The following DNAH14 variants were observed in gnomAD, a reference collection of about 807,000 sequenced individuals.
DNAH14 encodes the protein axonemal beta dynein heavy chain 14.
DNAH14 carries 478 observed loss-of-function variants against 520.9 expected under a neutral mutation model. That is an observed-to-expected ratio of 0.92 (90% CI 0.85 to 0.99). DNAH14 has a LOEUF of 0.99. Among genes scored for constraint, DNAH14 ranks in the 50% least tolerant of loss-of-function variants. The pLI, the probability that DNAH14 is intolerant of heterozygous loss-of-function variation, is 0.00. For synonymous variants in DNAH14, 1,581 were observed against 1,757.2 expected (o/e 0.90, Z 2.51); for missense variants, 4,831 against 5,234.5 (o/e 0.92, Z 2.38).
At chr1:224,971,119 T>A (rs1558555390) in intron 7 of DNAH14, among the ~76,000 whole-genome samples, 1 of 152,214 alleles carries the variant, frequency 6.6e-6, no homozygotes, top group Non-Finnish European at 1.5e-5. Flanking sequence ...TAAGGTACAT[T>A]ATGTTACATT....
intron 15 of DNAH14, among the ~76,000 whole-genome samples, chr1:225,048,477 A>C (rs2068167862): frequency 6.6e-6 from 1 of 152,178 alleles, no homozygotes. Flanking sequence ...CTCCAGCCTG[A>C]GTGACAGTGC....
Position 225,265,288 on chromosome 1 carries a change from A to T in DNAH14, c.7329A>T (p.Thr2443=). ...CAATAAATTTTAGCACCAATGTAAC[A>T]GCTGCCAAAACCAAGGAGATGATTC... ...VSTINFSTNV[T]AAKTKEMILK... The change falls in exon 48 of 86, where the codon ACA becomes ACT. Residue 2443 remains threonine, a synonymous_variant. Coordinates refer to ENST00000682510, the MANE Select transcript of DNAH14 (RefSeq NM_001367479.1). The T allele has an allele frequency of 6.5e-7, 1 of 1,545,100 alleles. No individual in the cohort carries two copies. Among genetic ancestry groups the T allele is most frequent in the Non-Finnish European group, 8.7e-7 (1 of 1,145,166 alleles).
chr1:225,089,380 G>A (rs912138741), intron 21 of DNAH14, among the ~76,000 whole-genome samples: 3 of 142,160 alleles, frequency 2.1e-5, no homozygotes, highest in African/African-American at 7.9e-5. Context: ...GGAGGCAGAG[G>A]TTGCAGTGAG....
chr1:224,997,575 G>T (rs889895170), intron 8 of DNAH14, among the ~76,000 whole-genome samples: 1 of 151,974 alleles, frequency 6.6e-6, no homozygotes, highest in Non-Finnish European at 1.5e-5. Context: ...CTTTCTTTGG[G>T]AGGTAATAAA....
chr1:225,276,999 AAGGGAGGG>A (rs1230311457), intron 53 of DNAH14, among the ~76,000 whole-genome samples: 20 of 41,728 alleles, frequency 4.8e-4, no homozygotes, highest in African/African-American at 9.7e-4. Context: ...GGGAGGAAGG[AAGGGAGGG>A]AGGGAGGGAG....
In DNAH14 at chr1:225,152,654, G is replaced by A. The variant is rs1264410988; in HGVS notation, c.5010-43G>A. ...TATGTGATTCCTTATTTGAAAAATT[G>A]AGAAGTGGTGTTTTTATTGTTTGTT... On this transcript the variant is annotated intron_variant, in intron 32 of 85. Transcript: ENST00000682510. The A allele has an allele frequency of 8.8e-6, 13 of 1,473,408 alleles. No homozygotes were observed. In the South Asian group the frequency reaches 1.8e-4, roughly 20 times the overall value. 91.3% of individuals were successfully genotyped at this position (1,473,408 alleles called of 1,614,324 possible). A position where few individuals can be genotyped will look rare whatever the true frequency, so the allele number is the denominator to read the frequency against.
At chr1:225,326,472 G>A (rs1240823434) in intron 64 of DNAH14, among the ~76,000 whole-genome samples, 1 of 137,546 alleles carries the variant, frequency 7.3e-6, no homozygotes, top group Non-Finnish European at 1.5e-5. Context: ...ATGGGGCCAG[G>A]TTAGGCAATG....
At position 225,042,991 on chromosome 1, in the gene DNAH14, A is replaced by G; in HGVS notation, c.1645A>G (p.Met549Val). 6.4e-7 allele frequency: 1 copy of G among 1,551,988 alleles called. No individual in the cohort carries two copies. Among genetic ancestry groups the G allele is most frequent in the South Asian group, 1.2e-5 (1 of 84,062 alleles). ...TGACCAGTGCCCTGAAGAGTGTGTGATGTTTGAAGATGAAATGTCAGAAAA... is the reference window on the plus strand; with the variant it reads ...TGACCAGTGCCCTGAAGAGTGTGTGGTGTTTGAAGATGAAATGTCAGAAAA... ...ESDQCPEECVMFEDEMSENKD... is the reference protein window; with the variant it reads ...ESDQCPEECVVFEDEMSENKD... Residue 549 changes from methionine to valine, a missense_variant, in exon 13 of 86, where the codon ATG (methionine) becomes GTG (valine). Coordinates refer to ENST00000682510, the MANE Select transcript of DNAH14 (RefSeq NM_001367479.1).
intron 60 of DNAH14, 130 bp from the exon 61 acceptor site, chr1:225,318,453 C>T (rs2094503524): frequency 1.3e-6 from 1 of 779,376 alleles, no homozygotes; most frequent in Non-Finnish European, 2.0e-6. Flanking sequence ...ATATCTAAGT[C>T]ATAAAAGATG....
At chr1:224,990,841 CTTTATT>C (rs1398614690) in intron 8 of DNAH14, among the ~76,000 whole-genome samples, 1 of 152,006 alleles carries the variant, frequency 6.6e-6, no homozygotes, top group African/African-American at 2.4e-5. Context: ...CATAAGGTAA[CTTTATT>C]TTTAGTTTTT....
At chr1:225,238,555 T>C (rs994744572) in intron 42 of DNAH14, among the ~76,000 whole-genome samples, 1 of 152,180 alleles carries the variant, frequency 6.6e-6, no homozygotes, top group African/African-American at 2.4e-5. Flanking sequence ...AGGAGGTGTC[T>C]GGAGACGCCT....
chr1:225,065,179 T>C (rs2449263), intron 17 of DNAH14, among the ~76,000 whole-genome samples: 120,883 of 151,830 alleles, frequency 0.8, 51,550 homozygotes, highest in Non-Finnish European at 0.96. Flanking sequence ...CTGAATGGTA[T>C]TGCCTAGGAC....
intron 23 of DNAH14, among the ~76,000 whole-genome samples, chr1:225,112,408 G>T (rs1322113600): frequency 6.6e-6 from 1 of 151,992 alleles, no homozygotes; most frequent in East Asian, 1.9e-4. Context: ...CTTTATCCTT[G>T]AATTTTGGAA....
chr1:225,312,345 T>C (rs563888554), intron 60 of DNAH14, among the ~76,000 whole-genome samples: 9 of 152,256 alleles, frequency 5.9e-5, no homozygotes, highest in African/African-American at 1.9e-4. Context: ...AGTTTTGGGG[T>C]TGAGACGATG....
chr1:224,957,855 A>G (rs555005063), intron 3 of DNAH14, among the ~76,000 whole-genome samples: 104 of 152,258 alleles, frequency 6.8e-4, no homozygotes, highest in Middle Eastern at 3.4e-3. Flanking sequence ...AACTCTTGAG[A>G]GAAGTTTAGC....
chr1:225,123,618 A>G lies in DNAH14; in HGVS notation c.4254+4A>G. 2.4e-6 allele frequency: 1 copy of G among 411,218 alleles called. No homozygotes were observed. The allele number at this position is 411,218 out of a possible 1,614,324, so 25.5% of individuals were successfully genotyped here. A position where few individuals can be genotyped will look rare whatever the true frequency, so the allele number is the denominator to read the frequency against. On this transcript the variant is annotated splice_donor_region_variant and intron_variant, in intron 27 of 85. Transcript: ENST00000682510. ...AGGACAAGTGGTACTTACTGTGGTA[A>G]GTTAATGCTGCTTTGATGTATGTAT... is the stretch of plus-strand genomic sequence containing the variant.
chr1:225,129,820 A>G (rs375213673), intron 27 of DNAH14, among the ~76,000 whole-genome samples: 7,989 of 152,142 alleles, frequency 0.053, 321 homozygotes, highest in Non-Finnish European at 0.077. Context: ...TGACAAATGG[A>G]ATCTAATTAA....
Position 225,333,368 on chromosome 1 carries a change from G to A in DNAH14, c.9942G>A (p.Ala3314=), listed in dbSNP as rs1398169406. The change falls in exon 66 of 86, where the codon GCG becomes GCA. Residue 3314 remains alanine (A), a synonymous_variant. Transcript: ENST00000682510. ...GILGDILLSA[A]CIVYSGILTP... The stretch of plus-strand genomic sequence containing the variant: ...TGGGTGACATACTTCTTTCAGCAGC[G>A]TGCATTGTCTACAGTGGAATTTTAA... 5.8e-6 allele frequency: 9 copies of A among 1,551,576 alleles called. No individual in the cohort carries two copies. The highest frequency in any genetic ancestry group is 7.8e-6 in the Non-Finnish European group (9 of 1,146,920).
Position 225,377,252 on chromosome 1 carries a change from C to A in DNAH14, c.12532C>A (p.Pro4178Thr). 7.1e-7 allele frequency: 1 copy of A among 1,401,422 alleles called. No individual in the cohort carries two copies. The highest frequency in any genetic ancestry group is 9.4e-7 in the Non-Finnish European group (1 of 1,067,514). The allele number at this position is 1,401,422 out of a possible 1,614,324, so 86.8% of individuals were successfully genotyped here. A position where few individuals can be genotyped will look rare whatever the true frequency, so the allele number is the denominator to read the frequency against. Residue 4178 changes from proline to threonine, a missense_variant, in exon 79 of 86, where the codon CCA becomes ACA. Pro to Thr is a conservative substitution (Grantham distance 38). Coordinates refer to ENST00000682510, the MANE Select transcript of DNAH14 (RefSeq NM_001367479.1). ...AAATTTTCAGATATGTCTGCCAGTT[C>A]CAGGATCTGCAAGCATAAAGGACTA... is the stretch of plus-strand genomic sequence containing the variant. ...FSSDGICLPV[P>T]GSASIKDYIH...
Sources: allele counts gnomAD v4.1 joint callset (sites outside exome capture counted in the v4.1 genomes callset), GRCh38; gene constraint gnomAD v4.1.1; transcripts MANE v1.5; gene names NCBI Gene and HGNC (gene_info 2026-07-23, HGNC 2026-07-21).